The following DNAH6 variants were observed in gnomAD, a reference collection of about 807,000 sequenced individuals.
DNAH6 encodes the protein dynein axonemal heavy chain 6.
DNAH6 carries 340 observed loss-of-function variants against 491.4 expected under a neutral mutation model. The observed-to-expected ratio is 0.69, with a 90% CI of 0.63 to 0.76. The LOEUF (loss-of-function observed/expected upper bound fraction) is 0.76. DNAH6 is among the 30% of genes least tolerant of loss of function. The probability of loss-of-function intolerance (pLI) is 0.00; values close to 1 mark genes in which losing one functional copy is unlikely to be tolerated. For missense variants in DNAH6, 4,443 were observed against 4,972.2 expected (o/e 0.89, Z 3.20); for synonymous variants, 1,603 against 1,686.1 (o/e 0.95, Z 1.21).
intron 30 of DNAH6, among the ~76,000 whole-genome samples, chr2:84,636,124 A>T (rs1313770900): frequency 6.6e-6 from 1 of 151,936 alleles, no homozygotes; most frequent in Non-Finnish European, 1.5e-5. Flanking sequence ...AGCCTGTCCA[A>T]CCTCTCTGCT....
intron 45 of DNAH6, among the ~76,000 whole-genome samples, chr2:84,690,162 G>A (rs1052902632): frequency 1.3e-5 from 2 of 151,604 alleles, no homozygotes; most frequent in African/African-American, 4.9e-5. Flanking sequence ...TCATGGCTTT[G>A]GTTTTTTTCC....
Position 84,522,552 on chromosome 2 carries a change from G to A in DNAH6, c.226-3013G>A, listed in dbSNP as rs143442483. ...AGAGAGGGCATCCTTATCTTGTGCC[G>A]GTTTTCAAGAGGAATGCTTCCAGCT... On this transcript the variant is annotated intron_variant, in intron 2 of 76. Transcript: ENST00000389394. 6.5e-3 allele frequency among the ~76,000 whole-genome samples: 982 copies of A among 152,090 alleles called. 7 individuals carry two copies. Among genetic ancestry groups the A allele is most frequent in the Middle Eastern group, 0.017 (5 of 294 alleles).
chr2:84,683,173 A>G lies in DNAH6; in HGVS notation c.6916+1645A>G, dbSNP rs544820072. ...AATCATATCGCACATATTTCTCTGC[A>G]TATATGTGTGTTCATGTATCTGTCT... is the stretch of plus-strand genomic sequence containing the variant. On this transcript the variant is annotated intron_variant, in intron 42 of 76. Transcript: ENST00000389394. Among the ~76,000 whole-genome samples, 7 of 152,260 alleles carry G rather than the reference A, an allele frequency of 4.6e-5. No homozygotes were observed. The East Asian group carries it at 1.2e-3, about 25-fold the overall frequency.
At chr2:84,629,720 C>G (rs1688221136) in intron 29 of DNAH6, among the ~76,000 whole-genome samples, 1 of 152,174 alleles carries the variant, frequency 6.6e-6, no homozygotes, top group South Asian at 2.1e-4. Flanking sequence ...CTCTAGTACC[C>G]AGACTGTGGT....
chr2:84,764,661 C>T (rs1674908218), intron 64 of DNAH6, among the ~76,000 whole-genome samples: 1 of 152,086 alleles, frequency 6.6e-6, no homozygotes. Flanking sequence ...TTTATAATTT[C>T]AACTTTTAGA....
intron 4 of DNAH6, among the ~76,000 whole-genome samples, chr2:84,539,793 G>C (rs1678066090): frequency 6.6e-6 from 1 of 152,036 alleles, no homozygotes; most frequent in Non-Finnish European, 1.5e-5. Flanking sequence ...TTTTGCTTTT[G>C]TTTAATTTTC....
chr2:84,544,588 G>C, intron 5 of DNAH6, 88 bp downstream of exon 5: 1 of 742,002 alleles, frequency 1.3e-6, no homozygotes, highest in South Asian at 2.5e-5. Flanking sequence ...GACTGTTCTT[G>C]AAATCAAATA....
At chr2:84,744,952 G>GTAT (rs1438218516) in intron 62 of DNAH6, 128 bp from the exon 63 acceptor site, 1 of 523,024 alleles carries the variant, frequency 1.9e-6, no homozygotes, top group Non-Finnish European at 3.2e-6. Flanking sequence ...GGAGACTGAT[G>GTAT]TATTTATAGT....
rs1329579950 is a variant in DNAH6 at position 84,787,204 on chromosome 2, A to G, written c.11141A>G (p.Tyr3714Cys). The G allele has an allele frequency of 1.9e-6, 3 of 1,540,926 alleles. No individual in the cohort carries two copies. Residue 3714 changes from tyrosine (Y) to cysteine (C), a missense_variant, in exon 68 of 77, where the codon TAT becomes TGT. Tyr to Cys is a radical substitution (Grantham distance 194). This residue lies in a region of DNAH6 where 1,463 missense variants were observed against 1,656.6 expected (regional missense o/e 0.88). Coordinates refer to ENST00000389394, the MANE Select transcript of DNAH6 (RefSeq NM_001370.2). Reference protein sequence around the residue: ...KFGPLGWNICYEFNDSDRECA... With the variant: ...KFGPLGWNICCEFNDSDRECA... ...GGCCCCCTTGGTTGGAATATCTGCT[A>G]TGAATTTAATGACAGTGACAGGGAA... is the stretch of plus-strand genomic sequence containing the variant.
intron 68 of DNAH6, among the ~76,000 whole-genome samples, chr2:84,795,026 T>C (rs1270262378): frequency 6.7e-6 from 1 of 148,976 alleles, no homozygotes; most frequent in Admixed American, 6.7e-5. Context: ...ATGTCCTTTG[T>C]AGGGACATGG....
intron 11 of DNAH6, among the ~76,000 whole-genome samples, chr2:84,560,972 C>T (rs1029619883): frequency 6.6e-6 from 1 of 151,320 alleles, no homozygotes; most frequent in African/African-American, 2.4e-5. Flanking sequence ...TGGGTATATA[C>T]CCAGTAATGG....
intron 37 of DNAH6, among the ~76,000 whole-genome samples, chr2:84,664,482 A>C (rs1390895293): frequency 2.0e-5 from 3 of 152,230 alleles, no homozygotes; most frequent in Admixed American, 1.3e-4. Context: ...TTAAACCAAC[A>C]AAGATCAAAA....
chr2:84,509,119 T>C, the DNAH6 span, among the ~76,000 whole-genome samples: 1 of 152,164 alleles, frequency 6.6e-6, no homozygotes, highest in Non-Finnish European at 1.5e-5. Flanking sequence ...TTCCTGGATA[T>C]CCTTGTTAAC....
chr2:84,814,071 A>G lies in DNAH6; in HGVS notation c.12099A>G (p.Ile4033Met). The change falls in exon 75 of 77, where the codon ATA becomes ATG. Residue 4033 changes from isoleucine to methionine, a missense_variant. Ile to Met is a conservative substitution (Grantham distance 10). Coordinates refer to ENST00000389394, the MANE Select transcript of DNAH6 (RefSeq NM_001370.2). ...IPTYRDQAAV[I>M]EAAKTVQFGQ... Reference sequence around the variant, plus strand: ...CCTATCGGGATCAAGCTGCAGTGATAGAAGCTGCCAAGACAGTGCAATTTG... The same window carrying G: ...CCTATCGGGATCAAGCTGCAGTGATGGAAGCTGCCAAGACAGTGCAATTTG... 1 of 1,551,780 alleles carries G rather than the reference A, an allele frequency of 6.4e-7. No individual in the cohort carries two copies. The highest frequency in any genetic ancestry group is 1.2e-5 in the South Asian group (1 of 84,068).
Position 84,694,359 on chromosome 2 carries a change from G to A in DNAH6, c.7403G>A (p.Cys2468Tyr), listed in dbSNP as rs534740978. The A allele has an allele frequency of 2.6e-6, 4 of 1,552,426 alleles. No homozygotes were observed. In the Admixed American group the frequency reaches 7.8e-5, roughly 30 times the overall value. ...RLAAHICGYKCLQIELSRGYN... is the reference protein window; with the variant it reads ...RLAAHICGYKYLQIELSRGYN... Reference sequence around the variant, plus strand: ...GCAGCTCATATATGCGGTTACAAATGTTTGCAGATTGAACTCAGCCGGGGA... The same window carrying A: ...GCAGCTCATATATGCGGTTACAAATATTTGCAGATTGAACTCAGCCGGGGA... The change falls in exon 46 of 77, where the codon TGT becomes TAT. Residue 2468 changes from cysteine to tyrosine, a missense_variant. By Grantham distance (194) the Cys-to-Tyr change is radical (BLOSUM62 -2). Around this residue, in one of 3 missense-constraint regions of DNAH6, gnomAD observed 2,977 missense variants for 3,296.6 expected, o/e 0.90. Coordinates refer to ENST00000389394, the MANE Select transcript of DNAH6 (RefSeq NM_001370.2).
chr2:84,504,081 T>A, the DNAH6 span, among the ~76,000 whole-genome samples: 7 of 152,126 alleles, frequency 4.6e-5, no homozygotes, highest in Non-Finnish European at 8.8e-5. Flanking sequence ...GTAGGCATAC[T>A]TGTTTTTTGT....
the DNAH6 span, among the ~76,000 whole-genome samples, chr2:84,477,509 A>G: frequency 4.1e-4 from 63 of 152,046 alleles, no homozygotes; most frequent in Middle Eastern, 3.4e-3. Flanking sequence ...TTGACTACCC[A>G]CCTCCTTTCA....
At chr2:84,704,398 C>G in intron 51 of DNAH6, 96 bp downstream of exon 51, 1 of 869,640 alleles carries the variant, frequency 1.1e-6, no homozygotes, top group Non-Finnish European at 1.8e-6. Flanking sequence ...CCTTCTCCAC[C>G]TTCTCATTGC....
intron 59 of DNAH6, 55 bp from the exon 60 acceptor site, chr2:84,722,570 C>T: frequency 7.3e-7 from 1 of 1,376,856 alleles, no homozygotes. Context: ...TTCCAGAAGT[C>T]CCACTATTTT....
Sources: gnomAD v4.1 joint callset for allele counts (sites outside exome capture counted in the v4.1 genomes callset) on GRCh38, gnomAD v4.1.1 for gene constraint, gnomAD v4.1.1 regional missense constraint, MANE v1.5 for transcripts, NCBI Gene and HGNC (gene_info 2026-07-23, HGNC 2026-07-21) for gene names.